ZMYM1: variants seen among roughly 807,000 people sequenced by gnomAD.
ZMYM1 encodes the protein zinc finger MYM-type protein 1.
In ZMYM1, 39 loss-of-function variants were observed where a neutral mutation model predicts 60.0. The observed-to-expected ratio is 0.65, with a 90% CI of 0.50 to 0.85. The LOEUF is 0.85. ZMYM1 is among the 40% of genes least tolerant of loss of function. The probability of loss-of-function intolerance (pLI) is 0.00; values close to 1 mark genes in which losing one functional copy is unlikely to be tolerated. For synonymous variants in ZMYM1, 413 were observed against 454.0 expected, an observed-to-expected ratio of 0.91 and a Z score of 1.15; for missense variants, 1,171 against 1,309.5, an observed-to-expected ratio of 0.89 and a Z score of 1.63.
chr1:35,079,561 G>C (rs994829602), intron 1 of ZMYM1, 119 bp downstream of exon 1: 1 of 152,484 alleles, frequency 6.6e-6, no homozygotes, highest in African/African-American at 2.4e-5. Flanking sequence ...TTTTAGAGAC[G>C]GAGCTTTGAG....
At chr1:35,110,809 C>T (rs971551425) in intron 7 of ZMYM1, among the ~76,000 whole-genome samples, 4 of 152,008 alleles carry the variant, frequency 2.6e-5, no homozygotes, top group Non-Finnish European at 5.9e-5. Flanking sequence ...TGGTGGGTCC[C>T]TGTAGTCCCA....
chr1:35,107,480 A>AC (rs1195476808), intron 6 of ZMYM1, among the ~76,000 whole-genome samples: 2 of 151,698 alleles, frequency 1.3e-5, no homozygotes, highest in African/African-American at 4.8e-5. Context: ...GAAAAAAAAA[A>AC]AAAAACCTGT....
In ZMYM1 at chr1:35,114,698, T is replaced by C; in HGVS notation, c.2868T>C (p.Pro956=). 1 of 1,582,672 alleles carries C rather than the reference T, an allele frequency of 6.3e-7. No individual in the cohort carries two copies. The highest frequency in any genetic ancestry group is 1.2e-5 in the South Asian group (1 of 85,020). Residue 956 remains proline, a synonymous_variant, in exon 10 of 10, where the codon CCT becomes CCC. Coordinates refer to ENST00000359858, the MANE Select transcript of ZMYM1 (RefSeq NM_024772.5). ...DLGNSDNMFF[P]TSTEEQYKIN... ...GCAATTCAGATAATATGTTTTTTCC[T>C]ACTTCAACAGAAGAACAATATAAAA...
At chr1:35,106,464 C>G (rs1205359074) in intron 6 of ZMYM1, among the ~76,000 whole-genome samples, 2 of 152,084 alleles carry the variant, frequency 1.3e-5, no homozygotes, top group African/African-American at 4.8e-5. Context: ...CCAAAATTAG[C>G]TGGGCATGGT....
chr1:35,096,064 C>T (rs1643298179), intron 3 of ZMYM1, among the ~76,000 whole-genome samples, 173 bp downstream of exon 3: 1 of 152,084 alleles, frequency 6.6e-6, no homozygotes, highest in Non-Finnish European at 1.5e-5. Context: ...CCTGTAATCC[C>T]AGCACTTTGG....
chr1:35,108,332 C>T (rs1643962989), intron 6 of ZMYM1, among the ~76,000 whole-genome samples: 1 of 151,764 alleles, frequency 6.6e-6, no homozygotes, highest in African/African-American at 2.4e-5. Flanking sequence ...TGTCTTTGTA[C>T]TTTGGTGGGT....
At position 35,094,000 on chromosome 1, in the gene ZMYM1, C is replaced by CTA; in HGVS notation, c.14_15insAT (p.Leu6PhefsTer2). ...ATCAGATACTAAAATGAAAGAACCA[C>CTA]TTTTAGGTGGTGAGTGTGACAAGGC... is the stretch of plus-strand genomic sequence containing the variant. On this transcript the variant is annotated frameshift_variant, in exon 2 of 10. Coordinates refer to ENST00000359858, the MANE Select transcript of ZMYM1 (RefSeq NM_024772.5). LOFTEE classifies it high-confidence loss of function. The CTA allele has an allele frequency of 6.2e-7, 1 of 1,606,048 alleles. No homozygotes were observed. Among genetic ancestry groups the CTA allele is most frequent in the Non-Finnish European group, 8.5e-7 (1 of 1,175,806 alleles).
At chr1:35,089,950 G>C (rs1642903255) in intron 1 of ZMYM1, among the ~76,000 whole-genome samples, 1 of 149,212 alleles carries the variant, frequency 6.7e-6, no homozygotes, top group Non-Finnish European at 1.5e-5. Context: ...TGTCGCCCAG[G>C]CTGGAGTGTA....
intron 2 of ZMYM1, among the ~76,000 whole-genome samples, chr1:35,094,462 T>TA (rs909409692): frequency 1.3e-5 from 2 of 152,102 alleles, no homozygotes; most frequent in Admixed American, 6.6e-5. Flanking sequence ...TTATGTAAAT[T>TA]AAAAAAAATT....
chr1:35,097,406 G>T lies in ZMYM1; in HGVS notation c.259G>T (p.Val87Phe), dbSNP rs773943981. Residue 87 changes from valine (V) to phenylalanine (F), a missense_variant, in exon 4 of 10, where the codon GTT (valine) becomes TTT (phenylalanine). Transcript: ENST00000359858. ...TTCAGTTTCAACCACAGCTATTCAG[G>T]TTTCCTGTGCTGGTTGTAAAAAAAT... ...LPSVSTTAIQ[V>F]SCAGCKKILQ... is the part of the protein sequence containing the mutation. The T allele has an allele frequency of 6.2e-7, 1 of 1,614,044 alleles. No homozygotes were observed. Among genetic ancestry groups the T allele is most frequent in the Non-Finnish European group, 8.5e-7 (1 of 1,180,010 alleles).
rs764350525 is a variant in ZMYM1, at chr1:35,088,454, ATGTGTGTGTGTGTG to A, written c.-74-5426_-74-5413del. Among the ~76,000 whole-genome samples the A allele has an allele frequency of 4.0e-3, 425 of 107,250 alleles. 7 individuals are homozygous for A. Among genetic ancestry groups the A allele is most frequent in the African/African-American group, 0.017 (389 of 23,496 alleles). 70.4% of individuals were successfully genotyped at this position (107,250 alleles called of 152,430 possible). Reference sequence around the variant, plus strand: ...TATGTGTATATATATATATATATATATGTGTGTGTGTGTGTGTGTGTGTGTGTGTGTGTGTGTGT... The same window carrying A: ...TATGTGTATATATATATATATATATATGTGTGTGTGTGTGTGTGTGTGTGT... On this transcript the variant is annotated intron_variant, in intron 1 of 9. Coordinates refer to ENST00000359858, the MANE Select transcript of ZMYM1 (RefSeq NM_024772.5).
chr1:35,078,537 A>ATTTTTTTTTTTTTT (rs751468260), upstream of ZMYM1, among the ~76,000 whole-genome samples: 72 of 82,214 alleles, frequency 8.8e-4, 7 homozygotes, highest in East Asian at 3.6e-3. Flanking sequence ...GGTTATTTTA[A>ATTTTTTTTTTTTTT]TTTTTTTTTT....
chr1:35,114,278 A>G lies in ZMYM1; in HGVS notation c.2448A>G (p.Leu816=), dbSNP rs748913019. 46 of 1,613,862 alleles carry G rather than the reference A, an allele frequency of 2.9e-5. No homozygotes were observed. The highest frequency in any genetic ancestry group is 1.7e-4 in the Middle Eastern group (1 of 6,058). ...QSCWTVHDRT[L]LSVIDSLPEI... ...GTTGGACAGTCCATGATCGTACATT[A>G]CTATCTGTGATTGACAGTCTTCCAG... The change falls in exon 10 of 10, where the codon TTA becomes TTG. Residue 816 remains leucine, a synonymous_variant. Transcript: ENST00000359858.
chr1:35,060,796 G>A lies in ZMYM1; in HGVS notation c.-301+871G>A, dbSNP rs535882952. Reference sequence around the variant, plus strand: ...AACCCAGAAGTCAGCCAACCAGCCAGCCTTTGTGGGACCTCCTAGGGCCCA... The same window carrying A: ...AACCCAGAAGTCAGCCAACCAGCCAACCTTTGTGGGACCTCCTAGGGCCCA... On this transcript the variant is annotated intron_variant, in intron 1 of 10. Transcript: ENST00000417119. Among the ~76,000 whole-genome samples, 29 of 152,316 alleles carry A rather than the reference G, an allele frequency of 1.9e-4. No individual in the cohort carries two copies. The East Asian group carries it at 4.6e-3, about 24-fold the overall frequency.
chr1:35,094,190 C>T, intron 2 of ZMYM1, 107 bp downstream of exon 2: 1 of 856,890 alleles, frequency 1.2e-6, no homozygotes, highest in Non-Finnish European at 1.8e-6. Flanking sequence ...TCCTTATCTC[C>T]TCCAAAGCAG....
upstream of ZMYM1, among the ~76,000 whole-genome samples, chr1:35,077,144 A>G (rs1642182302): frequency 2.6e-5 from 4 of 152,060 alleles, no homozygotes; most frequent in Non-Finnish European, 5.9e-5. Context: ...GGTGGTTGGA[A>G]TATCACATCT....
At chr1:35,075,754 C>G (rs377375446), upstream of ZMYM1, among the ~76,000 whole-genome samples, 14 of 152,290 alleles carry the variant, frequency 9.2e-5, no homozygotes, top group East Asian at 2.3e-3. Flanking sequence ...GTGGGGCTAT[C>G]TCATGGTTAA....
intron 1 of ZMYM1, among the ~76,000 whole-genome samples, chr1:35,087,676 C>T (rs946701441): frequency 1.3e-5 from 2 of 152,074 alleles, no homozygotes; most frequent in Admixed American, 6.5e-5. Flanking sequence ...GATCAGCCCG[C>T]GTTGGCCTCC....
chr1:35,114,323 A>G lies in ZMYM1; in HGVS notation c.2493A>G (p.Glu831=). 1 of 1,613,602 alleles carries G rather than the reference A, an allele frequency of 6.2e-7. No individual in the cohort carries two copies. The highest frequency in any genetic ancestry group is 8.5e-7 in the Non-Finnish European group (1 of 1,179,788). ...DSLPEIIETL[E]VIASHSSNTS... is the part of the protein sequence containing the mutation. ...TTCCAGAGATTATTGAAACATTGGA[A>G]GTTATAGCAAGCCATTCTTCAAATA... The change falls in exon 10 of 10, where the codon GAA becomes GAG. Residue 831 remains glutamate, a synonymous_variant. Transcript: ENST00000359858.
Sources: gnomAD v4.1 joint callset for allele counts (sites outside exome capture counted in the v4.1 genomes callset) on GRCh38, gnomAD v4.1.1 for gene constraint, MANE v1.5 for transcripts, NCBI Gene and HGNC (gene_info 2026-07-23, HGNC 2026-07-21) for gene names.